Variants in FOXP1 observed in about 807,000 individuals in gnomAD.
The protein encoded by FOXP1 is forkhead box protein P1.
A neutral mutation model predicts 98.2 loss-of-function variants in FOXP1; 15 were observed. The ratio of observed to expected loss-of-function variants is 0.15; its 90% CI spans 0.10 to 0.24. The LOEUF (loss-of-function observed/expected upper bound fraction) is 0.24, where lower values mean the gene tolerates loss of function less well. FOXP1 is among the 10% of genes least tolerant of loss of function. The pLI, the probability that FOXP1 is intolerant of heterozygous loss-of-function variation, is 1.00. For missense variants in FOXP1, 633 were observed against 848.5 expected (o/e 0.75, Z 3.15); for synonymous variants, 371 against 314.5 (o/e 1.18, Z -1.90).
At chr3:71,312,115 G>C (rs2074730812) in intron 4 of FOXP1, among the ~76,000 whole-genome samples, 1 of 152,154 alleles carries the variant, frequency 6.6e-6, no homozygotes, top group Non-Finnish European at 1.5e-5. Context: ...AGTCCACCAA[G>C]GGCTTGCTAA....
At chr3:71,144,897 C>A (rs895268457) in intron 6 of FOXP1, among the ~76,000 whole-genome samples, 4 of 152,202 alleles carry the variant, frequency 2.6e-5, no homozygotes, top group African/African-American at 9.6e-5. Flanking sequence ...ACTGTTTTGT[C>A]TTTTCTGAAA....
intron 11 of FOXP1, among the ~76,000 whole-genome samples, chr3:71,017,072 C>A (rs1374115497): frequency 6.6e-6 from 1 of 151,758 alleles, no homozygotes; most frequent in Non-Finnish European, 1.5e-5. Context: ...CAGAAAGGTG[C>A]CCCTCATACA....
intron 3 of FOXP1, among the ~76,000 whole-genome samples, chr3:71,367,362 G>A (rs1460926957): frequency 6.6e-6 from 1 of 152,154 alleles, no homozygotes; most frequent in African/African-American, 2.4e-5. Flanking sequence ...CTCCCTGTTT[G>A]CATTCTCTCA....
intron 7 of FOXP1, among the ~76,000 whole-genome samples, chr3:71,063,480 C>T (rs930681216): frequency 2.0e-5 from 3 of 152,240 alleles, no homozygotes; most frequent in African/African-American, 7.2e-5. Flanking sequence ...CCTCTGATTG[C>T]ATCTATACAT....
At chr3:71,122,597 T>C (rs756218966) in intron 6 of FOXP1, among the ~76,000 whole-genome samples, 4 of 152,212 alleles carry the variant, frequency 2.6e-5, no homozygotes, top group Non-Finnish European at 5.9e-5. Context: ...AACACTGTAT[T>C]GAATTGCTTA....
At chr3:71,572,191 T>G (rs894382519) in intron 2 of FOXP1, 2 of 152,252 alleles carry the variant, frequency 1.3e-5, no homozygotes, top group Admixed American at 1.3e-4. Flanking sequence ...TTCAAATGAA[T>G]GCTTTGCCTG....
rs527601999 is a variant in FOXP1, at chr3:71,477,165, G to A, written c.-168+16261C>T. Among the ~76,000 whole-genome samples the A allele has an allele frequency of 2.9e-3, 434 of 152,114 alleles. 4 individuals carry two copies. The highest frequency in any genetic ancestry group is 5.4e-3 in the South Asian group (26 of 4,806). ...GGTGCACAATGAGGTGTGACACAGC[G>A]CCCCCCAGAAGATCCACCAAAAGCA... On this transcript the variant is annotated intron_variant, in intron 3 of 20. Coordinates refer to ENST00000649528, the MANE Select transcript of FOXP1 (RefSeq NM_001349338.3).
intron 3 of FOXP1, among the ~76,000 whole-genome samples, chr3:71,451,199 A>C (rs1227104260): frequency 6.6e-6 from 1 of 152,312 alleles, no homozygotes; most frequent in African/African-American, 2.4e-5. Context: ...CATGGACACA[A>C]GTATTGCCCA....
At chr3:71,037,213 C>A (rs2047712144) in intron 11 of FOXP1, among the ~76,000 whole-genome samples, 1 of 152,122 alleles carries the variant, frequency 6.6e-6, no homozygotes, top group African/African-American at 2.4e-5. Flanking sequence ...GAGTTCTTGT[C>A]CCTTTCCCTA....
intron 11 of FOXP1, among the ~76,000 whole-genome samples, chr3:71,025,520 G>A (rs934819263): frequency 2.6e-5 from 4 of 152,214 alleles, no homozygotes; most frequent in African/African-American, 9.6e-5. Flanking sequence ...AAATATGTAA[G>A]GGGGTGGCAC....
intron 3 of FOXP1, among the ~76,000 whole-genome samples, chr3:71,417,324 T>G (rs1045461409): frequency 9.9e-5 from 15 of 152,214 alleles, no homozygotes; most frequent in Admixed American, 9.8e-4. Flanking sequence ...TATTCCATGG[T>G]TATTGATTTT....
At chr3:71,206,413 T>C (rs952640133) in intron 5 of FOXP1, among the ~76,000 whole-genome samples, 2 of 152,064 alleles carry the variant, frequency 1.3e-5, no homozygotes, top group South Asian at 2.1e-4. Context: ...CAAAAACCCA[T>C]TGGAAACACT....
intron 5 of FOXP1, among the ~76,000 whole-genome samples, chr3:71,267,131 G>GAA (rs1201387761): frequency 6.6e-6 from 1 of 151,896 alleles, no homozygotes; most frequent in African/African-American, 2.4e-5. Flanking sequence ...GAGAGTGTGT[G>GAA]TGTGTGTGTG....
At chr3:71,516,397 A>G (rs1045226799) in intron 2 of FOXP1, among the ~76,000 whole-genome samples, 7 of 152,246 alleles carry the variant, frequency 4.6e-5, no homozygotes, top group African/African-American at 1.7e-4. Context: ...TAAAAGGCAT[A>G]GGGAATTCTT....
chr3:71,544,542 C>T (rs1320971099), intron 2 of FOXP1, among the ~76,000 whole-genome samples: 4 of 152,156 alleles, frequency 2.6e-5, no homozygotes, highest in East Asian at 1.9e-4. Flanking sequence ...CAAAAACATA[C>T]GTTTCCAAAA....
chr3:71,493,339 T>G (rs1405267772), intron 3 of FOXP1, 87 bp downstream of exon 3: 1 of 152,192 alleles, frequency 6.6e-6, no homozygotes, highest in Non-Finnish European at 1.5e-5. Flanking sequence ...AAGATAAGAA[T>G]CTCTCATCCT....
chr3:71,416,582 A>G (rs796531895), intron 3 of FOXP1, among the ~76,000 whole-genome samples: 14 of 125,556 alleles, frequency 1.1e-4, no homozygotes, highest in African/African-American at 2.1e-4. Flanking sequence ...ACACACACAC[A>G]CACACACACA....
At chr3:71,220,901 G>A (rs2065321812) in intron 5 of FOXP1, among the ~76,000 whole-genome samples, 1 of 147,678 alleles carries the variant, frequency 6.8e-6, no homozygotes, top group Non-Finnish European at 1.5e-5. Context: ...ACTACTTTGT[G>A]AGGTACATAT....
At chr3:71,467,132 A>G (rs1173743588) in intron 3 of FOXP1, among the ~76,000 whole-genome samples, 1 of 152,216 alleles carries the variant, frequency 6.6e-6, no homozygotes, top group African/African-American at 2.4e-5. Context: ...GTGTGTGTGT[A>G]TGTATGTGTA....
Sources: allele counts gnomAD v4.1 joint callset (sites outside exome capture counted in the v4.1 genomes callset), GRCh38; gene constraint gnomAD v4.1.1; transcripts MANE v1.5; gene names NCBI Gene and HGNC (gene_info 2026-07-23, HGNC 2026-07-21).